The following JAK1 variants were observed in gnomAD, a reference collection of about 807,000 sequenced individuals.
JAK1 encodes Janus kinase 1, also known as tyrosine-protein kinase JAK1.
Under a neutral mutation model 136.6 loss-of-function variants are expected in JAK1, and 16 were observed. That is an observed-to-expected ratio of 0.12 (90% CI 0.08 to 0.18). JAK1 has a LOEUF of 0.18. Among genes scored for constraint, JAK1 ranks in the 10% least tolerant of loss-of-function variants. The pLI, the probability that JAK1 is intolerant of heterozygous loss-of-function variation, is 1.00. For missense variants in JAK1, 859 were observed against 1,450.1 expected, an observed-to-expected ratio of 0.59 and a Z score of 6.62; for synonymous variants, 492 against 519.5, an observed-to-expected ratio of 0.95 and a Z score of 0.72.
At chr1:64,946,436 G>A (rs563058987) in intron 1 of JAK1, among the ~76,000 whole-genome samples, 40 of 152,330 alleles carry the variant, frequency 2.6e-4, no homozygotes, top group Middle Eastern at 6.8e-3. Flanking sequence ...CGGACCTCAT[G>A]CTCTTGTCTG....
chr1:64,847,673 G>T lies in JAK1; in HGVS notation c.1758C>A (p.Gly586=). ...DRILKKDLVQ[G]EHLGRGTRTH... is the part of the protein sequence containing the mutation. ...TTCTCGTGCCTCTCCCAAGGTGCTC[G>T]CCCTGAGGGAAGAAGCAGAAGGCTG... is the stretch of plus-strand genomic sequence containing the variant. Residue 586 remains glycine (G), a splice_region_variant and synonymous_variant, in exon 13 of 25, where the codon GGC becomes GGA. Coordinates refer to ENST00000342505, the MANE Select transcript of JAK1 (RefSeq NM_002227.4). 6.2e-7 allele frequency: 1 copy of T among 1,613,676 alleles called. No individual in the cohort carries two copies.
At chr1:65,014,315 C>A (rs1021181113) in intron 2 of JAK1, among the ~76,000 whole-genome samples, 3 of 147,842 alleles carry the variant, frequency 2.0e-5, no homozygotes, top group African/African-American at 7.5e-5. Context: ...AGAGGCCAAA[C>A]AAATCCCAGG....
At chr1:65,005,606 C>T (rs1045295129) in intron 2 of JAK1, among the ~76,000 whole-genome samples, 3 of 152,084 alleles carry the variant, frequency 2.0e-5, no homozygotes, top group Non-Finnish European at 4.4e-5. Context: ...TGCTAATTAC[C>T]CAGATTTGAT....
intron 8 of JAK1, among the ~76,000 whole-genome samples, chr1:64,862,912 G>C (rs1260584199): frequency 1.3e-5 from 2 of 152,166 alleles, no homozygotes; most frequent in African/African-American, 4.8e-5. Flanking sequence ...ATTTCAAGTA[G>C]AGCTGATGCT....
intron 2 of JAK1, among the ~76,000 whole-genome samples, chr1:64,999,989 A>G (rs892731188): frequency 1.4e-5 from 2 of 144,060 alleles, no homozygotes; most frequent in Non-Finnish European, 3.0e-5. Context: ...GGAGAGAATC[A>G]TAAGTTTTTT....
rs759274901 is a variant in JAK1, at chr1:64,867,179, T to C, written c.677A>G (p.Asn226Ser). The C allele has an allele frequency of 2.8e-5, 45 of 1,604,890 alleles. No individual in the cohort carries two copies. The East Asian group carries it at 6.9e-4, about 25-fold the overall frequency. ...AAGGTTCCTCTGTCTGATGGACTTA[T>C]TCAATGTTTCTGGAATATATCGCTT... ...SYKRYIPETL[N>S]KSIRQRNLLT... is the part of the protein sequence containing the mutation. Residue 226 changes from asparagine (N) to serine (S), a missense_variant, in exon 7 of 25, where the codon AAT becomes AGT. Around this residue, in one of 4 missense-constraint regions of JAK1, gnomAD observed 353 missense variants for 494.0 expected, o/e 0.71. Coordinates refer to ENST00000342505, the MANE Select transcript of JAK1 (RefSeq NM_002227.4).
chr1:64,871,378 G>T (rs1034539155), intron 5 of JAK1, among the ~76,000 whole-genome samples: 1 of 152,222 alleles, frequency 6.6e-6, no homozygotes, highest in African/African-American at 2.4e-5. Context: ...GTTCACAACA[G>T]ACTATAAAGT....
At chr1:65,064,438 C>G (rs1159249823) in intron 1 of JAK1, among the ~76,000 whole-genome samples, 1 of 152,120 alleles carries the variant, frequency 6.6e-6, no homozygotes, top group East Asian at 1.9e-4. Flanking sequence ...CAAATTATAC[C>G]AAGTATTTTC....
At chr1:64,900,897 T>C (rs1645094889) in intron 1 of JAK1, among the ~76,000 whole-genome samples, 1 of 152,208 alleles carries the variant, frequency 6.6e-6, no homozygotes, top group African/African-American at 2.4e-5. Context: ...CATGACTTTG[T>C]CCTCCAAGCC....
At chr1:65,038,322 C>A (rs1647096545) in intron 2 of JAK1, among the ~76,000 whole-genome samples, 1 of 151,170 alleles carries the variant, frequency 6.6e-6, no homozygotes, top group African/African-American at 2.4e-5. Flanking sequence ...CCTCAGCTTG[C>A]TGAGTAGCTG....
chr1:64,839,813 T>C lies in JAK1; in HGVS notation c.2650-18A>G, dbSNP rs748117056. ...AAGTGGCCCTGGAGGGAAAGATGCATGTGCTGTTATCAGGGAAGCCCCATC... is the reference window on the plus strand; with the variant it reads ...AAGTGGCCCTGGAGGGAAAGATGCACGTGCTGTTATCAGGGAAGCCCCATC... On this transcript the variant is annotated intron_variant, in intron 19 of 24. Transcript: ENST00000342505. 1 of 1,589,744 alleles carries C rather than the reference T, an allele frequency of 6.3e-7. No individual in the cohort carries two copies. Among genetic ancestry groups the C allele is most frequent in the Non-Finnish European group, 8.6e-7 (1 of 1,166,874 alleles).
At chr1:64,934,722 C>A (rs765616226) in intron 1 of JAK1, among the ~76,000 whole-genome samples, 1 of 152,234 alleles carries the variant, frequency 6.6e-6, no homozygotes, top group African/African-American at 2.4e-5. Context: ...GGACTCCAAA[C>A]GTAGTCACTC....
rs768472936 is a variant in JAK1, at chr1:64,855,550, A to T, written c.1607T>A (p.Ile536Asn). 29 of 1,614,010 alleles carry T rather than the reference A, an allele frequency of 1.8e-5. No homozygotes were observed. The highest frequency in any genetic ancestry group is 2.2e-5 in the Non-Finnish European group (26 of 1,180,018). ...LKKQILRTDN[I>N]SFMLKRCCQP... ...GCAGCAGCGTTTTAGCATGAAGCTG[A>T]TGTTATCCGTGCGCAGGATCTGCTT... The change falls in exon 11 of 25, where the codon ATC becomes AAC. Residue 536 changes from isoleucine to asparagine, a missense_variant. Around this residue, in one of 4 missense-constraint regions of JAK1, gnomAD observed 409 missense variants for 753.8 expected, o/e 0.54. Coordinates refer to ENST00000342505, the MANE Select transcript of JAK1 (RefSeq NM_002227.4).
intron 1 of JAK1, among the ~76,000 whole-genome samples, chr1:64,894,437 C>A (rs767520943): frequency 3.9e-4 from 60 of 152,186 alleles, no homozygotes; most frequent in Non-Finnish European, 6.6e-4. Context: ...TCAGCTATTG[C>A]CTCAAAATGT....
At chr1:64,970,806 G>A (rs1032011880), upstream of JAK1, among the ~76,000 whole-genome samples, 1 of 150,544 alleles carries the variant, frequency 6.6e-6, no homozygotes, top group African/African-American at 2.4e-5. Flanking sequence ...TGATATATAG[G>A]AGAGACACAA....
intron 24 of JAK1, 59 bp downstream of exon 24, chr1:64,835,337 C>A: frequency 2.2e-6 from 2 of 902,692 alleles, no homozygotes; most frequent in Non-Finnish European, 3.5e-6. Flanking sequence ...CTGGACAACT[C>A]AAGCTGCGAA....
intron 1 of JAK1, among the ~76,000 whole-genome samples, chr1:64,924,160 A>G (rs1259919079): frequency 6.6e-6 from 1 of 152,226 alleles, no homozygotes; most frequent in East Asian, 1.9e-4. Flanking sequence ...GATTTATAAA[A>G]ATGGTAAACA....
At position 65,050,711 on chromosome 1, in the gene JAK1, G is replaced by T. The variant is rs560130328; in HGVS notation, c.-180-6129C>A. 1.1e-4 allele frequency among the ~76,000 whole-genome samples: 16 copies of T among 152,322 alleles called. No individual in the cohort carries two copies. The South Asian group carries it at 3.3e-3, about 32-fold the overall frequency. On this transcript the variant is annotated intron_variant, in intron 1 of 25. Transcript: ENST00000671954. ...TCAGAAAAAGGCAACAGTGGACAGG[G>T]GAGGCAGTGTATGGTGCAAATTTTA...
intron 6 of JAK1, among the ~76,000 whole-genome samples, chr1:64,869,024 T>C (rs1656898326): frequency 6.6e-6 from 1 of 152,072 alleles, no homozygotes; most frequent in Non-Finnish European, 1.5e-5. Context: ...GTGTCCACCA[T>C]GGGCAAGGAG....
Sources: gnomAD v4.1 joint callset for allele counts (sites outside exome capture counted in the v4.1 genomes callset) on GRCh38, gnomAD v4.1.1 for gene constraint, gnomAD v4.1.1 regional missense constraint, MANE v1.5 for transcripts, NCBI Gene and HGNC (gene_info 2026-07-23, HGNC 2026-07-21) for gene names.